The following DDI2 variants were observed in gnomAD, a reference collection of about 807,000 sequenced individuals.
DDI2 encodes protein DDI1 homolog 2.
DDI2 carries 5 observed loss-of-function variants against 48.1 expected under a neutral mutation model. The observed-to-expected ratio is 0.10, with a 90% CI of 0.05 to 0.22. The LOEUF (loss-of-function observed/expected upper bound fraction) is 0.22. DDI2 is among the 10% of genes least tolerant of loss of function. DDI2 has a pLI of 1.00. For synonymous variants in DDI2, 205 were observed against 183.6 expected (o/e 1.12, Z -0.94); for missense variants, 285 against 506.2 (o/e 0.56, Z 4.19).
At chr1:15,620,427 T>TC (rs995194118) in intron 1 of DDI2, among the ~76,000 whole-genome samples, 25 of 151,884 alleles carry the variant, frequency 1.6e-4, no homozygotes, top group East Asian at 3.9e-4. Context: ...TACTTGAGTG[T>TC]CCCCCCCCAT....
rs1279678647 is a variant in DDI2 at position 15,617,928 on chromosome 1, C to T, written c.138+120C>T. On this transcript the variant is annotated intron_variant, in intron 1 of 9. Coordinates refer to ENST00000480945, the MANE Select transcript of DDI2 (RefSeq NM_032341.5). ...GCTGGGGGGAGCAAGGATAGCCATT[C>T]TCAGGTCACCCCCGCATCCGGAAAG... 1.1e-5 allele frequency: 15 copies of T among 1,332,112 alleles called. No individual in the cohort carries two copies. The African/African-American group carries it at 1.8e-4, about 16-fold the overall frequency. The allele number at this position is 1,332,112 out of a possible 1,614,324, so 82.5% of individuals were successfully genotyped here. A position where few individuals can be genotyped will look rare whatever the true frequency, so the allele number is the denominator to read the frequency against.
rs866611957 is a variant in DDI2 at position 15,664,402 on chromosome 1, G to T, written c.*4612G>T. ...GCCTAGATCACGCCACTGCACTCCA[G>T]TGTGGGCGGCAGAGTGAGACTCTGT... On this transcript the variant is annotated 3_prime_UTR_variant, in exon 10 of 10. Transcript: ENST00000480945. 2 of 149,284 alleles carry T rather than the reference G, an allele frequency of 1.3e-5. No individual in the cohort carries two copies. The highest frequency in any genetic ancestry group is 3.5e-3 in the Middle Eastern group (1 of 288). The allele number at this position is 149,284 out of a possible 1,614,324, so 9.2% of individuals were successfully genotyped here. A position where few individuals can be genotyped will look rare whatever the true frequency, so the allele number is the denominator to read the frequency against.
rs749825606 is a variant in DDI2, at chr1:15,661,596, T to C, written c.*1806T>C. 1 of 1,614,170 alleles carries C rather than the reference T, an allele frequency of 6.2e-7. No individual in the cohort carries two copies. Among genetic ancestry groups the C allele is most frequent in the Non-Finnish European group, 8.5e-7 (1 of 1,180,040 alleles). On this transcript the variant is annotated 3_prime_UTR_variant, in exon 10 of 10. Coordinates refer to ENST00000480945, the MANE Select transcript of DDI2 (RefSeq NM_032341.5). ...CACCATTGATTTTTCCTGCCACAGA[T>C]ATTGACCGCATTCTCCGTGCTGGCT...
At chr1:15,642,865 A>G (rs1640031805) in intron 5 of DDI2, among the ~76,000 whole-genome samples, 1 of 152,218 alleles carries the variant, frequency 6.6e-6, no homozygotes, top group Non-Finnish European at 1.5e-5. Context: ...CAGGAGATCG[A>G]GACCATCCTG....
chr1:15,654,470 T>C (rs946475386), intron 8 of DDI2, among the ~76,000 whole-genome samples: 2 of 151,896 alleles, frequency 1.3e-5, no homozygotes, highest in African/African-American at 2.4e-5. Flanking sequence ...CTGGGCAACA[T>C]AGTGAGTCTT....
chr1:15,637,658 G>A (rs945908799), intron 4 of DDI2, among the ~76,000 whole-genome samples: 5 of 152,232 alleles, frequency 3.3e-5, no homozygotes, highest in Non-Finnish European at 4.4e-5. Flanking sequence ...GTGAGCCACC[G>A]TGTGCGGCCA....
At chr1:15,624,748 G>A (rs755689951) in intron 1 of DDI2, among the ~76,000 whole-genome samples, 23 of 152,026 alleles carry the variant, frequency 1.5e-4, no homozygotes, top group Admixed American at 1.3e-4. Flanking sequence ...AAGCTTGTGG[G>A]AGTTATATCC....
chr1:15,631,749 G>C (rs950958526), intron 3 of DDI2, among the ~76,000 whole-genome samples: 1 of 151,518 alleles, frequency 6.6e-6, no homozygotes, highest in Admixed American at 6.6e-5. Flanking sequence ...TTAGTTTCCC[G>C]TATTTTTAAA....
chr1:15,635,651 C>T (rs1010959951), intron 4 of DDI2, among the ~76,000 whole-genome samples: 14 of 152,128 alleles, frequency 9.2e-5, no homozygotes, highest in Non-Finnish European at 1.6e-4. Context: ...GTGATCCACC[C>T]TCCTCATCCT....
Position 15,662,666 on chromosome 1 carries a change from C to A in DDI2, c.*2876C>A, listed in dbSNP as rs1640399942. On this transcript the variant is annotated 3_prime_UTR_variant, in exon 10 of 10. Coordinates refer to ENST00000480945, the MANE Select transcript of DDI2 (RefSeq NM_032341.5). ...GGATTCATTGCCAGCAGCTTATTTC[C>A]TTTCTAGACTCTTCTGCCAGGAAGT... 1 of 152,208 alleles carries A rather than the reference C, an allele frequency of 6.6e-6. No homozygotes were observed. The highest frequency in any genetic ancestry group is 2.4e-5 in the African/African-American group (1 of 41,440). 9.4% of individuals were successfully genotyped at this position (152,208 alleles called of 1,614,324 possible).
At position 15,661,125 on chromosome 1, in the gene DDI2, C is replaced by T. The variant is rs1315091482; in HGVS notation, c.*1335C>T. 6.2e-7 allele frequency: 1 copy of T among 1,613,800 alleles called. No individual in the cohort carries two copies. The highest frequency in any genetic ancestry group is 1.3e-5 in the African/African-American group (1 of 74,892). ...GTCCACAAGTCTCCTTTCATCAGGC[C>T]ATATCTGTATCAGTGGAGACAGAAA... On this transcript the variant is annotated 3_prime_UTR_variant, in exon 10 of 10. Transcript: ENST00000480945.
At chr1:15,644,281 T>C (rs1010695910) in intron 6 of DDI2, among the ~76,000 whole-genome samples, 1 of 152,238 alleles carries the variant, frequency 6.6e-6, no homozygotes, top group Non-Finnish European at 1.5e-5. Context: ...CTTTCTCTTC[T>C]GTCTTGTGTT....
chr1:15,637,174 C>T (rs1242264481), intron 4 of DDI2, among the ~76,000 whole-genome samples: 1 of 152,174 alleles, frequency 6.6e-6, no homozygotes, highest in Non-Finnish European at 1.5e-5. Flanking sequence ...CCTTTTGTTG[C>T]TTTTCTCGTG....
intron 5 of DDI2, 87 bp downstream of exon 5, chr1:15,638,521 ATGGC>A: frequency 1.2e-6 from 1 of 847,708 alleles, no homozygotes; most frequent in Non-Finnish European, 1.8e-6. Flanking sequence ...ATCCGTTCAG[ATGGC>A]TGTACTTTTT....
intron 3 of DDI2, among the ~76,000 whole-genome samples, chr1:15,631,886 A>T (rs533296325): frequency 6.6e-6 from 1 of 151,834 alleles, no homozygotes; most frequent in East Asian, 1.9e-4. Context: ...GCTCACTGCA[A>T]CCTTCGCCTC....
Position 15,666,687 on chromosome 1 carries a change from G to T in DDI2, c.*6897G>T, listed in dbSNP as rs1298043173. 1 of 152,200 alleles carries T rather than the reference G, an allele frequency of 6.6e-6. No individual in the cohort carries two copies. The highest frequency in any genetic ancestry group is 6.5e-5 in the Admixed American group (1 of 15,286). The allele number at this position is 152,200 out of a possible 1,614,324, so 9.4% of individuals were successfully genotyped here. A position where few individuals can be genotyped will look rare whatever the true frequency, so the allele number is the denominator to read the frequency against. On this transcript the variant is annotated 3_prime_UTR_variant, in exon 10 of 10. Coordinates refer to ENST00000480945, the MANE Select transcript of DDI2 (RefSeq NM_032341.5). Reference sequence around the variant, plus strand: ...GTGCCAGGCACAGGTGAACTCTGGGGATTCAGGGGTAACTAAAACAGATTG... The same window carrying T: ...GTGCCAGGCACAGGTGAACTCTGGGTATTCAGGGGTAACTAAAACAGATTG...
intron 1 of DDI2, among the ~76,000 whole-genome samples, chr1:15,618,339 GAAA>G (rs777944082): frequency 3.4e-5 from 5 of 147,880 alleles, no homozygotes; most frequent in Non-Finnish European, 7.4e-5. Flanking sequence ...TCCGGTGAAA[GAAA>G]AAGTTTAAGA....
At chr1:15,622,939 C>T (rs1176970684) in intron 1 of DDI2, among the ~76,000 whole-genome samples, 1 of 152,186 alleles carries the variant, frequency 6.6e-6, no homozygotes, top group Admixed American at 6.5e-5. Flanking sequence ...CACCCAGGTT[C>T]TTCAGTCTAG....
rs1214201372 is a variant in DDI2, at chr1:15,663,962, T to C, written c.*4172T>C. On this transcript the variant is annotated 3_prime_UTR_variant, in exon 10 of 10. Coordinates refer to ENST00000480945, the MANE Select transcript of DDI2 (RefSeq NM_032341.5). Reference sequence around the variant, plus strand: ...GATTTCATTAGGATAGCTTTTTGTGTATGTATATGTATATTTATTTTTAGG... The same window carrying C: ...GATTTCATTAGGATAGCTTTTTGTGCATGTATATGTATATTTATTTTTAGG... 2.0e-5 allele frequency: 3 copies of C among 152,224 alleles called. No homozygotes were observed. Among genetic ancestry groups the C allele is most frequent in the East Asian group, 3.8e-4 (2 of 5,206 alleles). 9.4% of individuals were successfully genotyped at this position (152,224 alleles called of 1,614,324 possible).
Sources: gnomAD v4.1 joint callset for allele counts (sites outside exome capture counted in the v4.1 genomes callset) on GRCh38, gnomAD v4.1.1 for gene constraint, MANE v1.5 for transcripts, NCBI Gene and HGNC (gene_info 2026-07-23, HGNC 2026-07-21) for gene names.